The following MUC17 variants were observed in gnomAD, a reference collection of about 807,000 sequenced individuals.
MUC17 encodes mucin-17.
A neutral mutation model predicts 170.3 loss-of-function variants in MUC17; 190 were observed. The ratio of observed to expected loss-of-function variants is 1.12; its 90% CI spans 0.99 to 1.26. The LOEUF is 1.26. MUC17 is among the 50% of genes most tolerant of loss of function. The pLI, the probability that MUC17 is intolerant of heterozygous loss-of-function variation, is 0.00. For missense variants in MUC17, 6,415 were observed against 5,530.0 expected (o/e 1.16, Z -5.08); for synonymous variants, 2,325 against 2,002.5 (o/e 1.16, Z -4.30).
At chr7:101,026,533 C>T (rs1383661433) in intron 1 of MUC17, among the ~76,000 whole-genome samples, 1 of 152,218 alleles carries the variant, frequency 6.6e-6, no homozygotes, top group Non-Finnish European at 1.5e-5. Flanking sequence ...AAACTGGTTA[C>T]ATAATTTTAG....
At position 101,037,751 on chromosome 7, in the gene MUC17, C is replaced by T. The variant is rs138732859; in HGVS notation, c.6335C>T (p.Thr2112Met). ...PLLTSIPLSTTPVASPEASTL... is the reference protein window; with the variant it reads ...PLLTSIPLSTMPVASPEASTL... ...CTAACAAGTATACCTCTCAGCACCA[C>T]GCCGGTGGCCAGTCCTGAGGCTAGC... Residue 2112 changes from threonine (T) to methionine (M), a missense_variant, in exon 3 of 13, where the codon ACG (threonine) becomes ATG (methionine). By Grantham distance (81) the Thr-to-Met change is moderately conservative. Coordinates refer to ENST00000306151, the MANE Select transcript of MUC17 (RefSeq NM_001040105.2). 1.0e-4 allele frequency: 162 copies of T among 1,613,662 alleles called. No individual in the cohort carries two copies. Among genetic ancestry groups the T allele is most frequent in the Admixed American group, 1.8e-4 (11 of 59,986 alleles).
chr7:101,047,838 C>A, intron 3 of MUC17, 146 bp from the exon 4 acceptor site: 1 of 1,063,218 alleles, frequency 9.4e-7, no homozygotes, highest in Non-Finnish European at 1.3e-6. Flanking sequence ...ACTCAAAAAA[C>A]AAACAAATTA....
rs1295044434 is a variant in MUC17 at position 101,038,753 on chromosome 7, T to C, written c.7337T>C (p.Ile2446Thr). The change falls in exon 3 of 13, where the codon ATA becomes ACA. Residue 2446 changes from isoleucine (I) to threonine (T), a missense_variant. Physicochemically the swap from Ile to Thr is moderately conservative, Grantham distance 89. Coordinates refer to ENST00000306151, the MANE Select transcript of MUC17 (RefSeq NM_001040105.2). ...SSPTTAEGTS[I>T]PTSPPSEGTT... The stretch of plus-strand genomic sequence containing the variant: ...CCTACAACTGCTGAAGGTACCAGCA[T>C]ACCAACCTCACCTCCTAGTGAAGGA... 1.9e-6 allele frequency: 3 copies of C among 1,612,878 alleles called. No individual in the cohort carries two copies. The highest frequency in any genetic ancestry group is 2.2e-5 in the South Asian group (2 of 91,066).
At position 101,040,355 on chromosome 7, in the gene MUC17, C is replaced by G. The variant is rs375755603; in HGVS notation, c.8939C>G (p.Ser2980Ter). 12 of 1,612,818 alleles carry G rather than the reference C, an allele frequency of 7.4e-6. 1 individual carries two copies. The Admixed American group carries it at 2.0e-4, about 27-fold the overall frequency. ...GCTGAAGGTACCAGCATGCCAATCT[C>G]AACTCCTGGCGAAAGAAGAACTCCA... ...TTAEGTSMPI[S>*]TPGERRTPLT... The change falls in exon 3 of 13, where the codon TCA (serine) becomes TGA (stop). Residue 2980 changes from serine (S) to a stop codon, truncating the protein, a stop_gained. Coordinates refer to ENST00000306151, the MANE Select transcript of MUC17 (RefSeq NM_001040105.2). LOFTEE classifies it high-confidence loss of function.
chr7:101,051,010 G>T (rs1794931728), intron 7 of MUC17, among the ~76,000 whole-genome samples: 1 of 152,070 alleles, frequency 6.6e-6, no homozygotes, highest in Non-Finnish European at 1.5e-5. Context: ...TGGAAATGAG[G>T]ACCCATGGGC....
In MUC17 at chr7:101,035,984, C is replaced by A; in HGVS notation, c.4568C>A (p.Thr1523Asn). 1 of 1,612,018 alleles carries A rather than the reference C, an allele frequency of 6.2e-7. No homozygotes were observed. The highest frequency in any genetic ancestry group is 8.5e-7 in the Non-Finnish European group (1 of 1,178,660). Residue 1523 changes from threonine to asparagine, a missense_variant, in exon 3 of 13, where the codon ACC (threonine) becomes AAC (asparagine). Coordinates refer to ENST00000306151, the MANE Select transcript of MUC17 (RefSeq NM_001040105.2). Reference sequence around the variant, plus strand: ...GCATTAACAAGTATACCTGTCAGCACCACAACAGTGGCCAGTTCTGAAATC... The same window carrying A: ...GCATTAACAAGTATACCTGTCAGCAACACAACAGTGGCCAGTTCTGAAATC... ...STALTSIPVS[T>N]TTVASSEINS...
chr7:101,036,122 G>A lies in MUC17; in HGVS notation c.4706G>A (p.Ser1569Asn). 6.2e-7 allele frequency: 1 copy of A among 1,611,164 alleles called. No individual in the cohort carries two copies. Among genetic ancestry groups the A allele is most frequent in the South Asian group, 1.1e-5 (1 of 90,892 alleles). ...DGTSMQTSTY[S>N]EGSTPLTSLP... ...ACCAGCATGCAAACCTCAACTTATA[G>A]TGAAGGAAGCACTCCACTAACAAGT... The change falls in exon 3 of 13, where the codon AGT (serine) becomes AAT (asparagine). Residue 1569 changes from serine (S) to asparagine (N), a missense_variant. Transcript: ENST00000306151.
At chr7:101,050,757 G>A in intron 7 of MUC17, 122 bp downstream of exon 7, 1 of 1,373,554 alleles carries the variant, frequency 7.3e-7, no homozygotes, top group Non-Finnish European at 9.7e-7. Context: ...TCACTGTGGG[G>A]TCCTAGAGTC....
chr7:101,046,499 G>A (rs188796343), intron 3 of MUC17, among the ~76,000 whole-genome samples: 3 of 152,270 alleles, frequency 2.0e-5, no homozygotes, highest in Admixed American at 2.0e-4. Context: ...TGTTAGGCTG[G>A]GCATGATGGC....
In MUC17 at chr7:101,037,911, T is replaced by G. The variant is rs751830299; in HGVS notation, c.6495T>G (p.Ser2165Arg). The change falls in exon 3 of 13, where the codon AGT becomes AGG. Residue 2165 changes from serine to arginine, a missense_variant. Coordinates refer to ENST00000306151, the MANE Select transcript of MUC17 (RefSeq NM_001040105.2). ...TYSDRRTPLT[S>R]MPVSTTVVAS... ...GTGACAGAAGAACTCCTTTAACAAG[T>G]ATGCCTGTCAGCACCACAGTGGTGG... 3.7e-6 allele frequency: 6 copies of G among 1,609,860 alleles called. No individual in the cohort carries two copies. The highest frequency in any genetic ancestry group is 5.1e-6 in the Non-Finnish European group (6 of 1,177,504).
chr7:101,035,476 A>T lies in MUC17; in HGVS notation c.4060A>T (p.Ile1354Phe). ...VNTTLVASSA[I>F]SILSTTPVDN... Reference sequence around the variant, plus strand: ...CACCACACTGGTGGCCAGTTCTGCAATCAGCATCCTTTCAACAACTCCTGT... The same window carrying T: ...CACCACACTGGTGGCCAGTTCTGCATTCAGCATCCTTTCAACAACTCCTGT... Residue 1354 changes from isoleucine (I) to phenylalanine (F), a missense_variant, in exon 3 of 13, where the codon ATC (isoleucine) becomes TTC (phenylalanine). Coordinates refer to ENST00000306151, the MANE Select transcript of MUC17 (RefSeq NM_001040105.2). The T allele has an allele frequency of 1.2e-6, 2 of 1,601,504 alleles. No individual in the cohort carries two copies. The highest frequency in any genetic ancestry group is 1.7e-6 in the Non-Finnish European group (2 of 1,172,226).
chr7:101,037,540 C>T lies in MUC17; in HGVS notation c.6124C>T (p.Arg2042Trp), dbSNP rs747536666. Residue 2042 changes from arginine to tryptophan, a missense_variant, in exon 3 of 13, where the codon CGG (arginine) becomes TGG (tryptophan). By Grantham distance (101) the Arg-to-Trp change is moderately radical. Transcript: ENST00000306151. ...TSIQTSTPSERTTPLAGMPVS... is the reference protein window; with the variant it reads ...TSIQTSTPSEWTTPLAGMPVS... ...CATACAAACCTCAACTCCTAGTGAA[C>T]GGACCACTCCATTAGCAGGTATGCC... The T allele has an allele frequency of 3.4e-5, 55 of 1,613,150 alleles. No homozygotes were observed. Among genetic ancestry groups the T allele is most frequent in the African/African-American group, 5.4e-5 (4 of 74,710 alleles).
chr7:101,031,598 C>A lies in MUC17; in HGVS notation c.185-3C>A. 4 of 1,524,200 alleles carry A rather than the reference C, an allele frequency of 2.6e-6. No individual in the cohort carries two copies. The highest frequency in any genetic ancestry group is 3.5e-6 in the Non-Finnish European group (4 of 1,138,058). 94.4% of individuals were successfully genotyped at this position (1,524,200 alleles called of 1,614,324 possible). On this transcript the variant is annotated splice_polypyrimidine_tract_variant and splice_region_variant and intron_variant, in intron 2 of 12. Transcript: ENST00000306151. ...AAACAAAATATCATTGTATCTTAAA[C>A]AGGTTCTGCGGCAAACACCGCCACA... is the stretch of plus-strand genomic sequence containing the variant.
In MUC17 at chr7:101,043,458, C is replaced by G; in HGVS notation, c.12042C>G (p.Pro4014=). Residue 4014 remains proline, a synonymous_variant, in exon 3 of 13, where the codon CCC becomes CCG. Coordinates refer to ENST00000306151, the MANE Select transcript of MUC17 (RefSeq NM_001040105.2). ...YVTMSTAPST[P]RTTSRGCTTS... Reference sequence around the variant, plus strand: ...CCATGTCTACTGCCCCCAGCACACCCAGAACAACCAGCAGAGGCTGCACTA... The same window carrying G: ...CCATGTCTACTGCCCCCAGCACACCGAGAACAACCAGCAGAGGCTGCACTA... The G allele has an allele frequency of 6.2e-7, 1 of 1,614,212 alleles. No homozygotes were observed. The highest frequency in any genetic ancestry group is 8.5e-7 in the Non-Finnish European group (1 of 1,180,046).
rs1368884869 is a variant in MUC17, at chr7:101,035,194, C to T, written c.3778C>T (p.Pro1260Ser). The change falls in exon 3 of 13, where the codon CCT (proline) becomes TCT (serine). Residue 1260 changes from proline (P) to serine (S), a missense_variant. Physicochemically the swap from Pro to Ser is moderately conservative, Grantham distance 74. Coordinates refer to ENST00000306151, the MANE Select transcript of MUC17 (RefSeq NM_001040105.2). ...CACTTCTGCTGAAACCAGTTCCTCT[C>T]CTACAACCGCTGAAGGTACCAGCTT... ...VTTSAETSSS[P>S]TTAEGTSLPT... is the part of the protein sequence containing the mutation. The T allele has an allele frequency of 2.2e-5, 36 of 1,610,440 alleles. No homozygotes were observed. The highest frequency in any genetic ancestry group is 3.1e-5 in the Non-Finnish European group (36 of 1,178,132).
At position 101,042,546 on chromosome 7, in the gene MUC17, GGGT is replaced by G; in HGVS notation, c.11131_11133del (p.Gly3711del). On this transcript the variant is annotated inframe_deletion, in exon 3 of 13. Transcript: ENST00000306151. ...GCACCACACGTGTGACCAGCTCTGA[GGGT>G]AGCACCCTTTCAACACCTTCTGTTG... 8.1e-6 allele frequency: 13 copies of G among 1,613,942 alleles called. No individual in the cohort carries two copies. The highest frequency in any genetic ancestry group is 1.1e-5 in the Non-Finnish European group (13 of 1,180,002).
chr7:101,039,541 G>A lies in MUC17; in HGVS notation c.8125G>A (p.Ala2709Thr). ...CACCACGCTGTTGGCCAATTCTGAG[G>A]CTAGCACCCTTTCAACAACTCCTGT... The part of the protein sequence containing the change: ...VSTTLLANSE[A>T]STLSTTPVDT... The change falls in exon 3 of 13, where the codon GCT (alanine) becomes ACT (threonine). Residue 2709 changes from alanine (A) to threonine (T), a missense_variant. Transcript: ENST00000306151. The A allele has an allele frequency of 6.2e-7, 1 of 1,612,388 alleles. No homozygotes were observed. The highest frequency in any genetic ancestry group is 8.5e-7 in the Non-Finnish European group (1 of 1,179,078).
rs71557227 is a variant in MUC17 at position 101,036,558 on chromosome 7, C to G, written c.5142C>G (p.Pro1714=). 1.2e-6 allele frequency: 2 copies of G among 1,607,012 alleles called. No individual in the cohort carries two copies. The highest frequency in any genetic ancestry group is 1.7e-6 in the Non-Finnish European group (2 of 1,175,916). The change falls in exon 3 of 13, where the codon CCC becomes CCG. Residue 1714 remains proline, a synonymous_variant. Transcript: ENST00000306151. ...SSAISTLSTT[P]VDNSTPVTTS... ...CAATCAGCACCCTTTCAACAACTCC[C>G]GTTGACAACAGCACACCTGTGACCA...
At chr7:101,026,666 C>G (rs1794185705) in intron 1 of MUC17, among the ~76,000 whole-genome samples, 1 of 152,156 alleles carries the variant, frequency 6.6e-6, no homozygotes, top group Non-Finnish European at 1.5e-5. Flanking sequence ...CTCACTGCAG[C>G]CTTGAACTCC....
Sources: allele counts gnomAD v4.1 joint callset (sites outside exome capture counted in the v4.1 genomes callset), GRCh38; gene constraint gnomAD v4.1.1; transcripts MANE v1.5; gene names NCBI Gene and HGNC (gene_info 2026-07-23, HGNC 2026-07-21).